ABCE1: variants seen among roughly 807,000 people sequenced by gnomAD.
ABCE1 encodes the protein ATP binding cassette subfamily E member 1.
A neutral mutation model predicts 83.4 loss-of-function variants in ABCE1; 22 were observed. The observed-to-expected ratio is 0.26, with a 90% confidence interval of 0.19 to 0.38. The LOEUF (loss-of-function observed/expected upper bound fraction) is 0.38. Among genes scored for constraint, ABCE1 ranks in the 10% least tolerant of loss-of-function variants. ABCE1 has a pLI of 1.00. For synonymous variants in ABCE1, 204 were observed against 233.7 expected, an observed-to-expected ratio of 0.87 and a Z score of 1.16; for missense variants, 330 against 721.9, an observed-to-expected ratio of 0.46 and a Z score of 6.22.
intron 1 of ABCE1, among the ~76,000 whole-genome samples, chr4:145,102,396 G>C (rs1264756967): frequency 2.0e-5 from 3 of 152,206 alleles, no homozygotes; most frequent in Admixed American, 1.3e-4. Context: ...GAATGAGCCA[G>C]TGGAGAGAAT....
intron 1 of ABCE1, among the ~76,000 whole-genome samples, chr4:145,103,154 C>A (rs541130195): frequency 9.2e-5 from 14 of 151,816 alleles, no homozygotes; most frequent in Admixed American, 9.2e-4. Flanking sequence ...AGGACAGCGT[C>A]GAGGAGCAAG....
rs770279093 is a variant in ABCE1, at chr4:145,123,542, C to T, written c.1582C>T (p.Leu528=). The T allele has an allele frequency of 3.2e-5, 51 of 1,608,092 alleles. No homozygotes were observed. The highest frequency in any genetic ancestry group is 4.2e-5 in the Non-Finnish European group (49 of 1,174,928). Residue 528 remains leucine (L), a synonymous_variant, in exon 16 of 18, where the codon CTA becomes TTA. Coordinates refer to ENST00000296577, the MANE Select transcript of ABCE1 (RefSeq NM_002940.3). ...VEHDFIMATY[L]ADRVIVFDGV... ...ACATGACTTCATCATGGCCACCTAT[C>T]TAGCGGATCGCGTCATCGTTTTTGA... is the stretch of plus-strand genomic sequence containing the variant.
intron 7 of ABCE1, 127 bp from the exon 8 acceptor site, chr4:145,110,841 A>G: frequency 1.6e-6 from 1 of 618,272 alleles, no homozygotes; most frequent in Admixed American, 3.2e-5. Context: ...GAAAATCTCC[A>G]GTAATTGTTA....
intron 9 of ABCE1, among the ~76,000 whole-genome samples, chr4:145,115,340 A>G (rs998220006): frequency 2.0e-5 from 3 of 151,984 alleles, no homozygotes. Context: ...TTAAGGAAAC[A>G]TAGGATTTTA....
chr4:145,119,698 G>C (rs1443461192), intron 10 of ABCE1, among the ~76,000 whole-genome samples: 1 of 151,902 alleles, frequency 6.6e-6, no homozygotes, highest in African/African-American at 2.4e-5. Context: ...AGTAATTACA[G>C]GATAATGAGA....
chr4:145,116,420 CTT>C (rs138961563), intron 9 of ABCE1, among the ~76,000 whole-genome samples: 1 of 151,806 alleles, frequency 6.6e-6, no homozygotes, highest in African/African-American at 2.4e-5. Flanking sequence ...AATTCACAGA[CTT>C]TAACAGTTTA....
In ABCE1 at chr4:145,112,216, CTTT is replaced by C. The variant is rs4148239; in HGVS notation, c.711-8_711-6del. 14,164 of 1,121,108 alleles carry C rather than the reference CTTT, an allele frequency of 0.013. 12 individuals are homozygous for C. The highest frequency in any genetic ancestry group is 0.033 in the East Asian group (1,181 of 36,300). The allele number at this position is 1,121,108 out of a possible 1,614,324, so 69.4% of individuals were successfully genotyped here. On this transcript the variant is annotated intron_variant, in intron 8 of 17. Coordinates refer to ENST00000296577, the MANE Select transcript of ABCE1 (RefSeq NM_002940.3). ...GTCTTGTCTTTCAAACTTATATTTGCTTTTTTTTTTTTTTTTTCATAGTTTCAT... is the reference window on the plus strand; with the variant it reads ...GTCTTGTCTTTCAAACTTATATTTGCTTTTTTTTTTTTTTCATAGTTTCAT...
intron 16 of ABCE1, among the ~76,000 whole-genome samples, chr4:145,124,365 T>A (rs991356535): frequency 8.6e-5 from 13 of 152,000 alleles, no homozygotes; most frequent in African/African-American, 9.7e-5. Flanking sequence ...TTTTTTTTTT[T>A]ATAAATTGAG....
At position 145,128,615 on chromosome 4, in the gene ABCE1, C is replaced by G. The variant is rs965844260; in HGVS notation, c.*1042C>G. ...CCATTTTGTAGTTCCAAAAACCCATCTAAATTTCTTGAGTTCCTGAATTTT... is the reference window on the plus strand; with the variant it reads ...CCATTTTGTAGTTCCAAAAACCCATGTAAATTTCTTGAGTTCCTGAATTTT... On this transcript the variant is annotated 3_prime_UTR_variant, in exon 18 of 18. Transcript: ENST00000296577. The G allele has an allele frequency of 2.6e-5, 4 of 152,170 alleles. No individual in the cohort carries two copies. Among genetic ancestry groups the G allele is most frequent in the Non-Finnish European group, 5.9e-5 (4 of 68,024 alleles). The allele number at this position is 152,170 out of a possible 1,614,324, so 9.4% of individuals were successfully genotyped here.
chr4:145,108,071 A>C lies in ABCE1; in HGVS notation c.246A>C (p.Glu82Asp). The C allele has an allele frequency of 6.2e-7, 1 of 1,613,710 alleles. No homozygotes were observed. The highest frequency in any genetic ancestry group is 8.5e-7 in the Non-Finnish European group (1 of 1,179,744). Reference sequence around the variant, plus strand: ...ATCTACCAAGCAACTTGGAAAAAGAAACCACACATCGATATTGTGCCAATG... The same window carrying C: ...ATCTACCAAGCAACTTGGAAAAAGACACCACACATCGATATTGTGCCAATG... ...IVNLPSNLEKETTHRYCANAF... is the reference protein window; with the variant it reads ...IVNLPSNLEKDTTHRYCANAF... Residue 82 changes from glutamate to aspartate, a missense_variant, in exon 4 of 18, where the codon GAA (glutamate) becomes GAC (aspartate). By Grantham distance (45) the Glu-to-Asp change is conservative. Coordinates refer to ENST00000296577, the MANE Select transcript of ABCE1 (RefSeq NM_002940.3).
intron 11 of ABCE1, 118 bp downstream of exon 11, chr4:145,120,271 T>A: frequency 1.2e-6 from 1 of 838,992 alleles, no homozygotes; most frequent in Non-Finnish European, 1.8e-6. Flanking sequence ...GAGTTTTATT[T>A]AAACCCACAA....
chr4:145,120,259 CAG>C, intron 11 of ABCE1, 106 bp downstream of exon 11: 1 of 975,520 alleles, frequency 1.0e-6, no homozygotes, highest in Non-Finnish European at 1.5e-6. Flanking sequence ...GGGCTAGAAG[CAG>C]AGTTTTATTT....
intron 10 of ABCE1, among the ~76,000 whole-genome samples, chr4:145,118,727 C>T (rs1298873733): frequency 6.6e-6 from 1 of 151,834 alleles, no homozygotes; most frequent in African/African-American, 2.4e-5. Flanking sequence ...TCTATTAAAA[C>T]AGCTTAAGAA....
At chr4:145,127,408 G>A (rs561329812) in intron 17 of ABCE1, 118 bp from the exon 18 acceptor site, 20 of 842,156 alleles carry the variant, frequency 2.4e-5, no homozygotes, top group Non-Finnish European at 3.4e-5. Context: ...GGTATGTGCA[G>A]AACAGGTTGT....
At chr4:145,113,997 T>C (rs1471873663) in intron 9 of ABCE1, among the ~76,000 whole-genome samples, 2 of 152,156 alleles carry the variant, frequency 1.3e-5, no homozygotes, top group African/African-American at 4.8e-5. Flanking sequence ...GAAAGGATTA[T>C]GACTGAGAAC....
In ABCE1 at chr4:145,123,497, A is replaced by C; in HGVS notation, c.1537A>C (p.Lys513Gln). 6.2e-7 allele frequency: 1 copy of C among 1,603,010 alleles called. No individual in the cohort carries two copies. Among genetic ancestry groups the C allele is most frequent in the Non-Finnish European group, 8.5e-7 (1 of 1,170,752 alleles). ...TTTTAGTTTCATACTCCATGCAAAA[A>C]AGACAGCCTTTGTTGTGGAACATGA... The part of the protein sequence containing the change: ...VVKRFILHAK[K>Q]TAFVVEHDFI... The change falls in exon 16 of 18, where the codon AAG (lysine) becomes CAG (glutamine). Residue 513 changes from lysine (K) to glutamine (Q), a missense_variant. By Grantham distance (53) the Lys-to-Gln change is moderately conservative (BLOSUM62 1). Transcript: ENST00000296577.
At position 145,125,114 on chromosome 4, in the gene ABCE1, G is replaced by C; in HGVS notation, c.1752+13G>C. 6.4e-7 allele frequency: 1 copy of C among 1,552,710 alleles called. No homozygotes were observed. The highest frequency in any genetic ancestry group is 8.9e-7 in the Non-Finnish European group (1 of 1,126,244). The stretch of plus-strand genomic sequence containing the variant: ...TAATTCAATTAAGGTATGTAGAAAA[G>C]TTGTCTTAAATCATGGATTACTGAT... On this transcript the variant is annotated intron_variant, in intron 17 of 17. Coordinates refer to ENST00000296577, the MANE Select transcript of ABCE1 (RefSeq NM_002940.3).
chr4:145,101,257 G>T lies in ABCE1; in HGVS notation c.-28+2838G>T, dbSNP rs77587400. Among the ~76,000 whole-genome samples, 405 of 152,194 alleles carry T rather than the reference G, an allele frequency of 2.7e-3. 1 individual carries two copies. The highest frequency in any genetic ancestry group is 4.5e-3 in the Non-Finnish European group (309 of 68,010). ...GAGTAAGCCATGTAACTCTCTAGGG[G>T]GAATAGCATTACAGGCAGAAAGTGC... On this transcript the variant is annotated intron_variant, in intron 1 of 17. Transcript: ENST00000296577.
intron 10 of ABCE1, among the ~76,000 whole-genome samples, chr4:145,119,264 C>A (rs1249733551): frequency 6.6e-6 from 1 of 151,894 alleles, no homozygotes; most frequent in African/African-American, 2.4e-5. Context: ...ATGGATTATT[C>A]ATTGTTTCTC....
Sources: allele counts gnomAD v4.1 joint callset (sites outside exome capture counted in the v4.1 genomes callset), GRCh38; gene constraint gnomAD v4.1.1; transcripts MANE v1.5; gene names NCBI Gene and HGNC (gene_info 2026-07-23, HGNC 2026-07-21).